Variants in MUC12 observed in about 807,000 individuals in gnomAD.
MUC12 encodes mucin 12, cell surface associated, also known as mucin-12.
MUC12 carries 172 observed loss-of-function variants against 230.8 expected under a neutral mutation model. The ratio of observed to expected loss-of-function variants is 0.75; its 90% CI spans 0.66 to 0.85. The LOEUF is 0.85. MUC12 is among the 40% of genes least tolerant of loss of function. The probability of loss-of-function intolerance (pLI) is 0.00; values close to 1 mark genes in which losing one functional copy is unlikely to be tolerated. For synonymous variants in MUC12, 1,259 were observed against 2,401.9 expected (o/e 0.52, Z 13.91); for missense variants, 3,506 against 5,920.6 (o/e 0.59, Z 13.38).
Position 100,990,707 on chromosome 7 carries a change from C to G in MUC12, c.144C>G (p.Thr48=). Residue 48 remains threonine, a synonymous_variant, in exon 2 of 12, where the codon ACC becomes ACG. Coordinates refer to ENST00000536621, the MANE Select transcript of MUC12 (RefSeq NM_001164462.2). ...CCAGTTCAAGCGACCCTTTTACCAC[C>G]TTTAGTGACTATGGGGTGTCAGTCA... ...STPSSSDPFT[T]FSDYGVSVTF... 1.3e-6 allele frequency: 2 copies of G among 1,537,894 alleles called. No homozygotes were observed. Among genetic ancestry groups the G allele is most frequent in the Non-Finnish European group, 1.7e-6 (2 of 1,147,062 alleles).
At chr7:100,983,416 T>C (rs550932859) in intron 1 of MUC12, among the ~76,000 whole-genome samples, 84 of 150,288 alleles carry the variant, frequency 5.6e-4, no homozygotes, top group African/African-American at 1.8e-3. Context: ...CGAGACTCCG[T>C]TAAAAAAAAA....
At position 100,992,484 on chromosome 7, in the gene MUC12, A is replaced by G; in HGVS notation, c.1921A>G (p.Lys641Glu). The part of the protein sequence containing the change: ...STTFHSWPSS[K>E]DTRPAPPTTT... Reference sequence around the variant, plus strand: ...CACATTCCATAGCTGGCCAAGCTCAAAGGACACTAGGCCTGCACCTCCTAC... The same window carrying G: ...CACATTCCATAGCTGGCCAAGCTCAGAGGACACTAGGCCTGCACCTCCTAC... The change falls in exon 2 of 12, where the codon AAG becomes GAG. Residue 641 changes from lysine (K) to glutamate (E), a missense_variant. Transcript: ENST00000536621. 1 of 1,537,864 alleles carries G rather than the reference A, an allele frequency of 6.5e-7. No homozygotes were observed. The highest frequency in any genetic ancestry group is 8.7e-7 in the Non-Finnish European group (1 of 1,147,022).
At chr7:101,017,368 TGTTCC>T in intron 10 of MUC12, 1 of 548,764 alleles carries the variant, frequency 1.8e-6, no homozygotes, top group Non-Finnish European at 3.3e-6. Flanking sequence ...CGCTCCCTCC[TGTTCC>T]GGGGTCCAGC....
intron 1 of MUC12, among the ~76,000 whole-genome samples, chr7:100,975,342 T>A (rs1332688741): frequency 1.3e-5 from 2 of 152,430 alleles, no homozygotes; most frequent in East Asian, 3.8e-4. Flanking sequence ...GCTCTTTAGC[T>A]TAGAAAGGTG....
chr7:101,012,080 T>C (rs555812926), intron 5 of MUC12, among the ~76,000 whole-genome samples: 1 of 152,318 alleles, frequency 6.6e-6, no homozygotes, highest in African/African-American at 2.4e-5. Flanking sequence ...ATTTCACTCA[T>C]TGGCATTTAT....
chr7:100,972,221 T>C, intron 1 of MUC12: 1 of 673,000 alleles, frequency 1.5e-6, no homozygotes, highest in South Asian at 1.5e-5. Context: ...ATGTAGAGAC[T>C]CAGAGAGAGG....
intron 1 of MUC12, among the ~76,000 whole-genome samples, chr7:100,987,607 G>A (rs1160721604): frequency 1.3e-5 from 2 of 152,224 alleles, no homozygotes; most frequent in Non-Finnish European, 2.9e-5. Context: ...GCAGATCCCT[G>A]TTGAATGGCT....
At position 101,004,476 on chromosome 7, in the gene MUC12, C is replaced by G. The variant is rs1384518596; in HGVS notation, c.13913C>G (p.Thr4638Arg). Residue 4638 changes from threonine (T) to arginine (R), a missense_variant, in exon 2 of 12, where the codon ACA becomes AGA. Transcript: ENST00000536621. ...EESRTSHSSTTHTISSPPSTT... is the reference protein window; with the variant it reads ...EESRTSHSSTRHTISSPPSTT... ...TCAAGAACTTCCCACAGCAGCACAA[C>G]ACACACAATATCTTCACCTCCTAGC... is the stretch of plus-strand genomic sequence containing the variant. The G allele has an allele frequency of 2.0e-6, 3 of 1,530,926 alleles. No individual in the cohort carries two copies. Among genetic ancestry groups the G allele is most frequent in the Admixed American group, 2.0e-5 (1 of 50,102 alleles). 94.8% of individuals were successfully genotyped at this position (1,530,926 alleles called of 1,614,324 possible).
Position 101,004,454 on chromosome 7 carries a change from A to G in MUC12, c.13891A>G (p.Arg4631Gly), listed in dbSNP as rs1052387342. ...STASGRSEES[R>G]TSHSSTTHTI... ...AGCTTCAGGTCGTAGTGAAGAATCA[A>G]GAACTTCCCACAGCAGCACAACACA... The change falls in exon 2 of 12, where the codon AGA becomes GGA. Residue 4631 changes from arginine to glycine, a missense_variant. Arg to Gly is a moderately radical substitution (Grantham distance 125, BLOSUM62 -2). Coordinates refer to ENST00000536621, the MANE Select transcript of MUC12 (RefSeq NM_001164462.2). 4 of 1,527,082 alleles carry G rather than the reference A, an allele frequency of 2.6e-6. No homozygotes were observed. The highest frequency in any genetic ancestry group is 1.4e-5 in the African/African-American group (1 of 69,326). The allele number at this position is 1,527,082 out of a possible 1,614,324, so 94.6% of individuals were successfully genotyped here. A position where few individuals can be genotyped will look rare whatever the true frequency, so the allele number is the denominator to read the frequency against.
Position 101,005,523 on chromosome 7 carries a change from C to G in MUC12, c.14956+4C>G, listed in dbSNP as rs1459228999. On this transcript the variant is annotated splice_donor_region_variant and intron_variant, in intron 2 of 11. Transcript: ENST00000536621. ...AGCCTGGAAACCTTAGCACCAGGTA[C>G]TGCTCTTTCCATTTCATCCACGTTT... 1.3e-6 allele frequency: 2 copies of G among 1,530,390 alleles called. No homozygotes were observed. The highest frequency in any genetic ancestry group is 2.0e-5 in the Admixed American group (1 of 50,630). 94.8% of individuals were successfully genotyped at this position (1,530,390 alleles called of 1,614,324 possible).
chr7:100,991,722 G>C lies in MUC12; in HGVS notation c.1159G>C (p.Ala387Pro). 1 of 1,537,826 alleles carries C rather than the reference G, an allele frequency of 6.5e-7. No homozygotes were observed. Among genetic ancestry groups the C allele is most frequent in the Non-Finnish European group, 8.7e-7 (1 of 1,147,072 alleles). ...AACTTCAGGCCATAGTGAAGAATCA[G>C]CAACTTTCCACGGCAGCACAACACA... ...STTSGHSEES[A>P]TFHGSTTHTK... Residue 387 changes from alanine to proline, a missense_variant, in exon 2 of 12, where the codon GCA (alanine) becomes CCA (proline). By Grantham distance (27) the Ala-to-Pro change is conservative. Coordinates refer to ENST00000536621, the MANE Select transcript of MUC12 (RefSeq NM_001164462.2).
At chr7:100,969,898 G>A (rs984123560) in intron 1 of MUC12, among the ~76,000 whole-genome samples, 1 of 152,302 alleles carries the variant, frequency 6.6e-6, no homozygotes, top group Non-Finnish European at 1.5e-5. Context: ...CTGTGGTTGT[G>A]CAGGGGATGG....
At chr7:100,978,808 T>C (rs1370654237) in intron 1 of MUC12, among the ~76,000 whole-genome samples, 1 of 152,226 alleles carries the variant, frequency 6.6e-6, no homozygotes, top group Non-Finnish European at 1.5e-5. Flanking sequence ...CTTAATTAAA[T>C]AATAATCTAT....
In MUC12 at chr7:100,992,271, G is replaced by A. The variant is rs1362524886; in HGVS notation, c.1708G>A (p.Ala570Thr). Residue 570 changes from alanine (A) to threonine (T), a missense_variant, in exon 2 of 12, where the codon GCA becomes ACA. Transcript: ENST00000536621. ...AACATTGTCCCCTGGCAGTACCACAGCATCATCCCTTGGTCCAGAATATAC... is the reference window on the plus strand; with the variant it reads ...AACATTGTCCCCTGGCAGTACCACAACATCATCCCTTGGTCCAGAATATAC... ...DTTLSPGSTT[A>T]SSLGPEYTTF... 1.8e-5 allele frequency: 28 copies of A among 1,537,472 alleles called. 1 individual carries two copies. In the South Asian group the frequency reaches 3.2e-4, roughly 18 times the overall value.
chr7:100,986,409 C>T lies in MUC12; in HGVS notation c.68-4222C>T, dbSNP rs541727584. 3.9e-5 allele frequency among the ~76,000 whole-genome samples: 5 copies of T among 127,236 alleles called. No individual in the cohort carries two copies. The South Asian group carries it at 1.1e-3, about 27-fold the overall frequency. 83.5% of individuals were successfully genotyped at this position (127,236 alleles called of 152,430 possible). A position where few individuals can be genotyped will look rare whatever the true frequency, so the allele number is the denominator to read the frequency against. The stretch of plus-strand genomic sequence containing the variant: ...TCCCAGCCCAGGTAACAGAGTGAGA[C>T]CCTGTCTCAAAAAAAAAAAAGAAAA... On this transcript the variant is annotated intron_variant, in intron 1 of 11. Transcript: ENST00000536621.
In MUC12 at chr7:100,991,367, T is replaced by C. The variant is rs1262406665; in HGVS notation, c.804T>C (p.Ser268=). The change falls in exon 2 of 12, where the codon TCT becomes TCC. Residue 268 remains serine (S), a synonymous_variant. Coordinates refer to ENST00000536621, the MANE Select transcript of MUC12 (RefSeq NM_001164462.2). ...SPHTTLSPSS[S]TTHEGEPTTF... ...ACACAACACTGTCCCCTTCCAGCTCTACAACCCATGAGGGAGAACCTACCA... is the reference window on the plus strand; with the variant it reads ...ACACAACACTGTCCCCTTCCAGCTCCACAACCCATGAGGGAGAACCTACCA... 1.3e-6 allele frequency: 2 copies of C among 1,537,738 alleles called. No individual in the cohort carries two copies. Among genetic ancestry groups the C allele is most frequent in the East Asian group, 2.4e-5 (1 of 40,906 alleles).
rs1292035689 is a variant in MUC12, at chr7:100,992,546, C to G, written c.1983C>G (p.Ser661=). ...TSAFVEPSTT[S]HGSPSSIPTT... ...CCTTTGTTGAGCCATCTACAACCTC[C>G]CACGGCAGCCCGAGCTCAATTCCAA... is the stretch of plus-strand genomic sequence containing the variant. Residue 661 remains serine, a synonymous_variant, in exon 2 of 12, where the codon TCC becomes TCG. Coordinates refer to ENST00000536621, the MANE Select transcript of MUC12 (RefSeq NM_001164462.2). The G allele has an allele frequency of 6.5e-7, 1 of 1,538,006 alleles. No homozygotes were observed.
chr7:101,018,124 T>C (rs1334591115), intron 11 of MUC12, among the ~76,000 whole-genome samples: 2 of 6 alleles, frequency 0.33, 1 homozygote, highest in Non-Finnish European at 0.33. Flanking sequence ...TCCCTCCCCC[T>C]GGGACCCCTT....
rs1032673375 is a variant in MUC12 at position 101,013,140 on chromosome 7, C to T, written c.15636C>T (p.Cys5212=). ...TCQLQRSGPR[C]LCPNTNTHWY... ...AGCTGCAACGCAGTGGCCCCCGCTG[C>T]CTGTGAGTGTCCCCATAAGCCCAGC... is the stretch of plus-strand genomic sequence containing the variant. Residue 5212 remains cysteine (C), a splice_region_variant and synonymous_variant, in exon 8 of 12, where the codon TGC becomes TGT. Transcript: ENST00000536621. The T allele has an allele frequency of 3.3e-5, 51 of 1,537,122 alleles. No homozygotes were observed. In the Middle Eastern group the frequency reaches 6.7e-4, roughly 20 times the overall value.
Sources: gnomAD v4.1 joint callset for allele counts (sites outside exome capture counted in the v4.1 genomes callset) on GRCh38, gnomAD v4.1.1 for gene constraint, MANE v1.5 for transcripts, NCBI Gene and HGNC (gene_info 2026-07-23, HGNC 2026-07-21) for gene names.